SYNJ2: variants seen among roughly 807,000 people sequenced by gnomAD.
SYNJ2 encodes the protein synaptojanin 2, also known as polyphosphatidylinositol phosphatase SYNJ2.
Under a neutral mutation model 141.3 loss-of-function variants are expected in SYNJ2, and 116 were observed. The ratio of observed to expected loss-of-function variants is 0.82; its 90% confidence interval spans 0.71 to 0.96. The LOEUF is 0.96. SYNJ2 is among the 40% of genes least tolerant of loss of function. The pLI is 0.00. For missense variants in SYNJ2, 1,873 were observed against 1,934.8 expected, an observed-to-expected ratio of 0.97 and a Z score of 0.60; for synonymous variants, 745 against 777.7, an observed-to-expected ratio of 0.96 and a Z score of 0.70.
intron 5 of SYNJ2, among the ~76,000 whole-genome samples, chr6:158,053,695 A>T (rs1306083393): frequency 6.7e-6 from 1 of 150,320 alleles, no homozygotes; most frequent in Non-Finnish European, 1.5e-5. Flanking sequence ...TCATCCATCC[A>T]TCCATCCAGT....
At chr6:157,995,958 G>A (rs1450295711) in intron 1 of SYNJ2, among the ~76,000 whole-genome samples, 2 of 152,202 alleles carry the variant, frequency 1.3e-5, no homozygotes, top group East Asian at 3.8e-4. Flanking sequence ...CACATCTGTG[G>A]AAAGGCATAC....
intron 25 of SYNJ2, 141 bp from the exon 26 acceptor site, chr6:158,092,785 A>T: frequency 1.2e-6 from 1 of 809,818 alleles, no homozygotes; most frequent in Non-Finnish European, 1.8e-6. Flanking sequence ...AAAGAAAAAA[A>T]GCTGGGACTG....
intron 4 of SYNJ2, among the ~76,000 whole-genome samples, chr6:158,036,723 A>G (rs1428046900): frequency 6.6e-6 from 1 of 152,234 alleles, no homozygotes; most frequent in Non-Finnish European, 1.5e-5. Flanking sequence ...ACAAACCCAC[A>G]TAACATGCGT....
At chr6:158,059,220 C>G in intron 6 of SYNJ2, 37 bp from the exon 7 acceptor site, 2 of 1,515,498 alleles carry the variant, frequency 1.3e-6, no homozygotes, top group Non-Finnish European at 1.8e-6. Context: ...CACCTGTGCC[C>G]GTGCCCAGCA....
rs768358154 is a variant in SYNJ2, at chr6:158,066,549, A to C, written c.1631A>C (p.Gln544Pro). ...ACCTGGAACGTGAACGGAGGAAAGC[A>C]GTTCCGGAGCAACGTGCTCAGGACG... is the stretch of plus-strand genomic sequence containing the variant. ...MGTWNVNGGK[Q>P]FRSNVLRTAE... The change falls in exon 12 of 27, where the codon CAG becomes CCG. Residue 544 changes from glutamine (Q) to proline (P), a missense_variant. Transcript: ENST00000355585. 2.5e-5 allele frequency: 40 copies of C among 1,614,096 alleles called. No individual in the cohort carries two copies. The highest frequency in any genetic ancestry group is 4.2e-6 in the Non-Finnish European group (5 of 1,180,062).
chr6:158,094,428 A>G (rs896827417), intron 26 of SYNJ2, among the ~76,000 whole-genome samples: 2 of 150,056 alleles, frequency 1.3e-5, no homozygotes, highest in South Asian at 2.1e-4. Flanking sequence ...ACACCCATCC[A>G]ACACAGCCTA....
chr6:158,090,530 GT>G (rs760329460), intron 25 of SYNJ2, among the ~76,000 whole-genome samples: 77 of 114,664 alleles, frequency 6.7e-4, no homozygotes, highest in African/African-American at 1.9e-3. Context: ...CCTTTTCTTC[GT>G]TTTTTTTTTT....
At chr6:157,981,809 G>A, upstream of SYNJ2, 1 of 626,316 alleles carries the variant, frequency 1.6e-6, no homozygotes, top group South Asian at 7.9e-5. The surrounding 1 kb of genome is among the most constrained non-coding windows in gnomAD (Gnocchi z 6.4). Flanking sequence ...GGAGGAGGAG[G>A]AAGGGGAGGA....
At chr6:158,009,900 T>C (rs184220146) in intron 1 of SYNJ2, among the ~76,000 whole-genome samples, 216 of 152,346 alleles carry the variant, frequency 1.4e-3, no homozygotes, top group African/African-American at 4.6e-3. Flanking sequence ...CAGGTGTGTG[T>C]TCTCTGCTCA....
chr6:158,067,646 C>A, intron 12 of SYNJ2: 1 of 985,418 alleles, frequency 1.0e-6, no homozygotes, highest in Non-Finnish European at 1.2e-6. Flanking sequence ...TGTGGTCTAG[C>A]TGACATGCAG....
Position 158,081,141 on chromosome 6 carries a change from A to C in SYNJ2, c.2600A>C (p.Gln867Pro). 2 of 1,614,098 alleles carry C rather than the reference A, an allele frequency of 1.2e-6. No individual in the cohort carries two copies. Among genetic ancestry groups the C allele is most frequent in the Non-Finnish European group, 1.7e-6 (2 of 1,180,016 alleles). Reference sequence around the variant, plus strand: ...CTGGCGATCGTGGAGGTGGAAGTTCAGGAAGTCGATGTGGGTGCTCGGGAG... The same window carrying C: ...CTGGCGATCGTGGAGGTGGAAGTTCCGGAAGTCGATGTGGGTGCTCGGGAG... ...PVLAIVEVEV[Q>P]EVDVGARERV... Residue 867 changes from glutamine to proline, a missense_variant, in exon 19 of 27, where the codon CAG becomes CCG. By Grantham distance (76) the Gln-to-Pro change is moderately conservative (BLOSUM62 -1). Coordinates refer to ENST00000355585, the MANE Select transcript of SYNJ2 (RefSeq NM_003898.4).
chr6:158,071,573 G>A lies in SYNJ2; in HGVS notation c.1941-29G>A, dbSNP rs13197160. On this transcript the variant is annotated intron_variant, in intron 14 of 26. Coordinates refer to ENST00000355585, the MANE Select transcript of SYNJ2 (RefSeq NM_003898.4). The surrounding 1 kb of genome is among the most constrained non-coding windows in gnomAD (Gnocchi z 4.3). ...GGGTCACACTTCTCCTTCAGGAGCC[G>A]ACGGCATGCGCGTATCCTTCTGTTC... The A allele has an allele frequency of 0.086, 137,733 of 1,600,054 alleles. 6,482 individuals are homozygous for A. The highest frequency in any genetic ancestry group is 0.1 in the African/African-American group (7,590 of 74,610).
chr6:158,042,601 C>A lies in SYNJ2; in HGVS notation c.712-715C>A, dbSNP rs1293276270. ...CTTTTAAAACTCCCTTGCACTCCAG[C>A]GTCATTGGAGGCCTGCAGGCACACT... is the stretch of plus-strand genomic sequence containing the variant. On this transcript the variant is annotated intron_variant, in intron 4 of 26. Transcript: ENST00000355585. 3.3e-5 allele frequency among the ~76,000 whole-genome samples: 5 copies of A among 152,374 alleles called. No homozygotes were observed. The South Asian group carries it at 1.0e-3, about 32-fold the overall frequency.
At chr6:157,998,577 AAGTG>A (rs1777720809) in intron 1 of SYNJ2, among the ~76,000 whole-genome samples, 1 of 152,208 alleles carries the variant, frequency 6.6e-6, no homozygotes, top group South Asian at 2.1e-4. Flanking sequence ...TATGGACACT[AAGTG>A]AGAGTCCTAT....
At chr6:157,994,839 A>G (rs1413132539) in intron 1 of SYNJ2, among the ~76,000 whole-genome samples, 2 of 152,226 alleles carry the variant, frequency 1.3e-5, no homozygotes, top group Non-Finnish European at 2.9e-5. Flanking sequence ...GATGATTTCC[A>G]TGAGGATGTT....
chr6:158,082,463 G>A (rs1782756259), intron 20 of SYNJ2, among the ~76,000 whole-genome samples: 1 of 134,676 alleles, frequency 7.4e-6, no homozygotes, highest in South Asian at 2.3e-4. Flanking sequence ...CTCCAGCCCA[G>A]GCAACAGTGT....
chr6:158,049,583 GT>G (rs1780444708), intron 5 of SYNJ2, among the ~76,000 whole-genome samples: 1 of 152,198 alleles, frequency 6.6e-6, no homozygotes, highest in Non-Finnish European at 1.5e-5. Context: ...GGGAGAGGCG[GT>G]TAGACAAGTC....
intron 16 of SYNJ2, among the ~76,000 whole-genome samples, chr6:158,075,196 T>C (rs879463445): frequency 1.8e-4 from 28 of 151,720 alleles, no homozygotes; most frequent in Non-Finnish European, 3.5e-4. Context: ...CCTCCCAAAG[T>C]GCTGGGATTA....
intron 2 of SYNJ2, among the ~76,000 whole-genome samples, chr6:158,025,847 G>A (rs767531989): frequency 1.3e-5 from 2 of 152,192 alleles, no homozygotes; most frequent in Non-Finnish European, 2.9e-5. Flanking sequence ...AGTTACTCCA[G>A]AGGGTGAGGC....
Sources: allele counts gnomAD v4.1 joint callset (sites outside exome capture counted in the v4.1 genomes callset), GRCh38; gene constraint gnomAD v4.1.1; non-coding constraint Gnocchi (gnomAD v3.1); transcripts MANE v1.5; gene names NCBI Gene and HGNC (gene_info 2026-07-23, HGNC 2026-07-21).